Variants in COQ8B observed in about 807,000 individuals in gnomAD.
COQ8B encodes coenzyme Q8B.
A neutral mutation model predicts 62.0 loss-of-function variants in COQ8B; 44 were observed. That is an observed-to-expected ratio of 0.71 (90% CI 0.56 to 0.91). The LOEUF is 0.91. Ranked by LOEUF, COQ8B falls within the 40% of genes least tolerant of loss-of-function variation. COQ8B has a pLI of 0.00. For synonymous variants in COQ8B, 252 were observed against 289.9 expected (o/e 0.87, Z 1.33); for missense variants, 649 against 731.6 (o/e 0.89, Z 1.30).
intron 5 of COQ8B, among the ~76,000 whole-genome samples, chr19:40,708,753 C>A (rs2082119173): frequency 6.6e-6 from 1 of 151,908 alleles, no homozygotes; most frequent in African/African-American, 2.4e-5. Context: ...CATGGCAAAA[C>A]CTTCTCTCTA....
intron 6 of COQ8B, 39 bp downstream of exon 6, chr19:40,705,286 A>AGGGAGGTCAGGGGTC: frequency 6.3e-7 from 1 of 1,585,546 alleles, no homozygotes; most frequent in Admixed American, 1.7e-5. Flanking sequence ...CTGGGGTAGA[A>AGGGAGGTCAGGGGTC]GGGAGGTCAG....
In COQ8B at chr19:40,703,205, A is replaced by G. The variant is rs183254007; in HGVS notation, c.799+336T>C. Among the ~76,000 whole-genome samples the G allele has an allele frequency of 2.3e-3, 352 of 151,492 alleles. 2 individuals are homozygous for G. Among genetic ancestry groups the G allele is most frequent in the African/African-American group, 8.0e-3 (331 of 41,240 alleles). ...AAACACAACCCACCCTCCTTTCTCT[A>G]GGCGCCTCCTCACGTGCCATCCCCA... On this transcript the variant is annotated intron_variant, in intron 9 of 14. Coordinates refer to ENST00000324464, the MANE Select transcript of COQ8B (RefSeq NM_024876.4).
chr19:40,709,935 G>T, intron 5 of COQ8B, 124 bp downstream of exon 5: 1 of 891,822 alleles, frequency 1.1e-6, no homozygotes, highest in Non-Finnish European at 1.8e-6. Flanking sequence ...ACTCTAAGAG[G>T]TGGGTAAATT....
Position 40,700,002 on chromosome 19 carries a change from C to A in COQ8B, c.1143+65G>T, listed in dbSNP as rs993690033. 23 of 1,485,446 alleles carry A rather than the reference C, an allele frequency of 1.5e-5. No individual in the cohort carries two copies. In the African/African-American group the frequency reaches 2.4e-4, roughly 15 times the overall value. The allele number at this position is 1,485,446 out of a possible 1,614,324, so 92.0% of individuals were successfully genotyped here. On this transcript the variant is annotated intron_variant, in intron 12 of 14. Transcript: ENST00000324464. ...ATCAACTGCTATTTTGTTGAGCTAC[C>A]GAAATATCAAGGAATATTTGTTACA...
chr19:40,715,407 T>A (rs2082178308), intron 1 of COQ8B: 1 of 985,576 alleles, frequency 1.0e-6, no homozygotes, highest in Admixed American at 6.2e-5. Flanking sequence ...ACGCCTCTCT[T>A]CTGCACGAAT....
chr19:40,711,406 T>C (rs1233681186), intron 4 of COQ8B, among the ~76,000 whole-genome samples: 1 of 152,100 alleles, frequency 6.6e-6, no homozygotes, highest in Non-Finnish European at 1.5e-5. Flanking sequence ...TAATTTTTTA[T>C]TGAGACAGGG....
At chr19:40,700,601 G>T in intron 10 of COQ8B, 150 bp from the exon 11 acceptor site, 1 of 960,972 alleles carries the variant, frequency 1.0e-6, no homozygotes, top group Non-Finnish European at 1.5e-6. Flanking sequence ...TCTGCCCTGG[G>T]TGATGACCAA....
intron 7 of COQ8B, chr19:40,704,708 C>T (rs1009874210): frequency 3.7e-5 from 6 of 163,628 alleles, no homozygotes; most frequent in Non-Finnish European, 5.4e-5. Flanking sequence ...TGGTGCCAGG[C>T]GCCGTGCCAA....
chr19:40,711,606 C>G (rs981463062), intron 4 of COQ8B, among the ~76,000 whole-genome samples: 1 of 152,146 alleles, frequency 6.6e-6, no homozygotes, highest in African/African-American at 2.4e-5. Context: ...TCTCTCTTTT[C>G]CTCCCTTTGA....
At chr19:40,697,847 T>TAGAGAGAGAGAG (rs1349238558) in intron 12 of COQ8B, among the ~76,000 whole-genome samples, 88 of 56,872 alleles carry the variant, frequency 1.5e-3, no homozygotes, top group African/African-American at 7.2e-3. Flanking sequence ...TATATATATA[T>TAGAGAGAGAGAG]ATATAGAGAG....
At chr19:40,697,714 T>G (rs1230222582) in intron 12 of COQ8B, among the ~76,000 whole-genome samples, 1 of 150,948 alleles carries the variant, frequency 6.6e-6, no homozygotes, top group Non-Finnish European at 1.5e-5. Flanking sequence ...GAGAATCACT[T>G]GAACCCAGGA....
At chr19:40,712,993 C>T (rs1366481157) in intron 4 of COQ8B, among the ~76,000 whole-genome samples, 4 of 152,196 alleles carry the variant, frequency 2.6e-5, no homozygotes, top group Non-Finnish European at 4.4e-5. Flanking sequence ...GCAGGAGGAT[C>T]GCTTGAGACC....
chr19:40,710,366 T>G (rs1321353654), intron 4 of COQ8B, among the ~76,000 whole-genome samples: 1 of 152,212 alleles, frequency 6.6e-6, no homozygotes. Flanking sequence ...TGCCTCAGCC[T>G]CCCGAGTAGC....
intron 11 of COQ8B, 53 bp from the exon 12 acceptor site, chr19:40,700,227 A>G: frequency 1.2e-6 from 2 of 1,613,250 alleles, no homozygotes; most frequent in Non-Finnish European, 1.7e-6. Context: ...TTGTGGTGCC[A>G]CTGCTGGCCT....
At chr19:40,715,481 C>T in intron 1 of COQ8B, 2 of 985,554 alleles carry the variant, frequency 2.0e-6, no homozygotes, top group Non-Finnish European at 1.2e-6. Context: ...TTTGAATACA[C>T]ATTCTTCCCA....
Position 40,712,456 on chromosome 19 carries a change from C to T in COQ8B, c.289+1611G>A, listed in dbSNP as rs1015289478. ...AACAAAAAATAGTTGGACGTGGTGG[C>T]GTGCATCTGTAACCCCCGCTACTCA... On this transcript the variant is annotated intron_variant, in intron 4 of 14. Coordinates refer to ENST00000324464, the MANE Select transcript of COQ8B (RefSeq NM_024876.4). 5.3e-5 allele frequency among the ~76,000 whole-genome samples: 8 copies of T among 150,840 alleles called. No individual in the cohort carries two copies. In the East Asian group the frequency reaches 9.8e-4, roughly 18 times the overall value.
chr19:40,701,612 G>A (rs1210279610), intron 10 of COQ8B, among the ~76,000 whole-genome samples: 1 of 152,160 alleles, frequency 6.6e-6, no homozygotes, highest in Non-Finnish European at 1.5e-5. Flanking sequence ...ATGAACCGGA[G>A]CCATGTGGGG....
At chr19:40,714,731 C>T in intron 1 of COQ8B, 96 bp from the exon 2 acceptor site, 1 of 1,322,782 alleles carries the variant, frequency 7.6e-7, no homozygotes. Flanking sequence ...TCATTCCCAC[C>T]CACTAAATAC....
At position 40,714,085 on chromosome 19, in the gene COQ8B, G is replaced by C; in HGVS notation, c.271C>G (p.Arg91Gly). 6.2e-7 allele frequency: 1 copy of C among 1,614,084 alleles called. No homozygotes were observed. Among genetic ancestry groups the C allele is most frequent in the Non-Finnish European group, 8.5e-7 (1 of 1,180,018 alleles). Residue 91 changes from arginine to glycine, a missense_variant, in exon 4 of 15, where the codon CGC becomes GGC. Physicochemically the swap from Arg to Gly is moderately radical, Grantham distance 125 (BLOSUM62 -2). Coordinates refer to ENST00000324464, the MANE Select transcript of COQ8B (RefSeq NM_024876.4). ...ERKVPASRIS[R>G]LANFGGLAVG... ...CACCTACCCCCAAAGTTGGCCAAGC[G>C]GCTGATGCGGGAGGCAGGCACCTTG...
Sources: gnomAD v4.1 joint callset for allele counts (sites outside exome capture counted in the v4.1 genomes callset) on GRCh38, gnomAD v4.1.1 for gene constraint, MANE v1.5 for transcripts, NCBI Gene and HGNC (gene_info 2026-07-23, HGNC 2026-07-21) for gene names.